KLHDC10: variants seen among roughly 807,000 people sequenced by gnomAD.
KLHDC10 encodes kelch domain-containing protein 10.
In KLHDC10, 24 loss-of-function variants were observed where a neutral mutation model predicts 56.1. That is an observed-to-expected ratio of 0.43 (90% CI 0.31 to 0.60). The LOEUF is 0.60. KLHDC10 is among the 20% of genes least tolerant of loss of function. The probability of loss-of-function intolerance (pLI) is 0.11; values close to 1 mark genes in which losing one functional copy is unlikely to be tolerated. For synonymous variants in KLHDC10, 188 were observed against 207.1 expected (o/e 0.91, Z 0.79); for missense variants, 349 against 567.0 (o/e 0.62, Z 3.91).
intron 1 of KLHDC10, among the ~76,000 whole-genome samples, chr7:130,077,353 C>CA (rs35132418): frequency 0.41 from 7,374 of 17,868 alleles, 2,950 homozygotes; most frequent in Non-Finnish European, 0.47. Context: ...GACTCTGTCT[C>CA]AAAAAAAAAA....
chr7:130,079,785 CCA>C (rs1464070201), intron 1 of KLHDC10, among the ~76,000 whole-genome samples: 2 of 142,796 alleles, frequency 1.4e-5, no homozygotes, highest in African/African-American at 5.2e-5. Context: ...TCCTCCCTTC[CCA>C]CACCTCCTCC....
chr7:130,131,554 T>C lies in KLHDC10; in HGVS notation c.*808T>C, dbSNP rs1796400889. The C allele has an allele frequency of 6.6e-6, 1 of 152,218 alleles. No individual in the cohort carries two copies. 9.4% of individuals were successfully genotyped at this position (152,218 alleles called of 1,614,324 possible). On this transcript the variant is annotated 3_prime_UTR_variant, in exon 10 of 10. Transcript: ENST00000335420. ...TGGCCAAAGTTCTTCATTCTGGCAG[T>C]TTTGAAACTCTCTTATGCTTATTAA...
intron 1 of KLHDC10, among the ~76,000 whole-genome samples, chr7:130,071,955 A>G (rs1682030783): frequency 6.6e-6 from 1 of 152,134 alleles, no homozygotes; most frequent in Non-Finnish European, 1.5e-5. Context: ...GAGGTTGTTG[A>G]TGTGTGCTAG....
At position 130,122,106 on chromosome 7, in the gene KLHDC10, A is replaced by G; in HGVS notation, c.683A>G (p.Tyr228Cys). 4 of 1,614,080 alleles carry G rather than the reference A, an allele frequency of 2.5e-6. No individual in the cohort carries two copies. Among genetic ancestry groups the G allele is most frequent in the Non-Finnish European group, 3.4e-6 (4 of 1,179,952 alleles). The change falls in exon 5 of 10, where the codon TAT becomes TGT. Residue 228 changes from tyrosine to cysteine, a missense_variant. Tyr to Cys is a radical substitution (Grantham distance 194). This residue lies in a region of KLHDC10 where 245 missense variants were observed against 470.1 expected (regional missense o/e 0.52). Transcript: ENST00000335420. The stretch of plus-strand genomic sequence containing the variant: ...TATGTCTTTGGAGGTACAACCGGCT[A>G]TATTTACAGCACAGACCTGCACAAG... ...SLYVFGGTTG[Y>C]IYSTDLHKLD...
chr7:130,081,412 C>T (rs966350557), intron 1 of KLHDC10, among the ~76,000 whole-genome samples: 3 of 151,862 alleles, frequency 2.0e-5, no homozygotes, highest in Non-Finnish European at 2.9e-5. Context: ...TCTGCCTCCC[C>T]GGTTCAAGCT....
At chr7:130,124,084 G>T (rs998428280) in intron 5 of KLHDC10, among the ~76,000 whole-genome samples, 6 of 151,998 alleles carry the variant, frequency 3.9e-5, no homozygotes, top group Admixed American at 6.6e-5. Context: ...GCAAAATGAA[G>T]AAAATAAAAA....
At chr7:130,080,329 T>C (rs1383146059) in intron 1 of KLHDC10, among the ~76,000 whole-genome samples, 2 of 152,134 alleles carry the variant, frequency 1.3e-5, no homozygotes, top group African/African-American at 4.8e-5. Context: ...ATGAAGTCAT[T>C]TGGACCTCCT....
intron 1 of KLHDC10, among the ~76,000 whole-genome samples, chr7:130,096,227 G>GA (rs1178463700): frequency 6.6e-6 from 1 of 152,112 alleles, no homozygotes; most frequent in Non-Finnish European, 1.5e-5. Flanking sequence ...AAAACTTTGG[G>GA]AAAAGAGATA....
intron 8 of KLHDC10, 38 bp from the exon 9 acceptor site, chr7:130,129,399 T>C (rs1796365600): frequency 6.2e-7 from 1 of 1,610,324 alleles, no homozygotes; most frequent in Non-Finnish European, 8.5e-7. Context: ...TTTGGCTCTT[T>C]TCCTTTGTGT....
intron 2 of KLHDC10, among the ~76,000 whole-genome samples, chr7:130,097,867 T>G (rs1443462929): frequency 6.6e-6 from 1 of 152,088 alleles, no homozygotes; most frequent in Non-Finnish European, 1.5e-5. Flanking sequence ...TAATACATAC[T>G]CCATACTGAA....
intron 2 of KLHDC10, among the ~76,000 whole-genome samples, chr7:130,106,115 C>T (rs1796004663): frequency 6.6e-6 from 1 of 152,050 alleles, no homozygotes; most frequent in African/African-American, 2.4e-5. Flanking sequence ...CGTTGCACTC[C>T]AGCCTGGGCA....
At chr7:130,085,556 C>T (rs951590326) in intron 1 of KLHDC10, among the ~76,000 whole-genome samples, 12 of 151,828 alleles carry the variant, frequency 7.9e-5, no homozygotes, top group African/African-American at 2.7e-4. Flanking sequence ...TAGACTCAGC[C>T]GGGTGCAGTG....
intron 6 of KLHDC10, among the ~76,000 whole-genome samples, 172 bp from the exon 7 acceptor site, chr7:130,125,693 G>A (rs767070524): frequency 2.5e-4 from 38 of 152,212 alleles, no homozygotes; most frequent in Non-Finnish European, 2.2e-4. Context: ...GCAGGCTGCT[G>A]CTGTTAAAAG....
chr7:130,120,926 G>A lies in KLHDC10; in HGVS notation c.630+23G>A. The A allele has an allele frequency of 6.2e-7, 1 of 1,608,586 alleles. No homozygotes were observed. Among genetic ancestry groups the A allele is most frequent in the Non-Finnish European group, 8.5e-7 (1 of 1,177,066 alleles). On this transcript the variant is annotated intron_variant, in intron 4 of 9. Transcript: ENST00000335420. This position sits in a 1 kb window ranked among gnomAD's most constrained non-coding sequence, Gnocchi z 5.1. ...CAGGTACCAATCTGTGGCCAGTCAT[G>A]GTGTATTTGTTCATATTTTTCTAGT...
chr7:130,074,949 G>A (rs905721759), intron 1 of KLHDC10, among the ~76,000 whole-genome samples: 3 of 152,072 alleles, frequency 2.0e-5, no homozygotes, highest in Non-Finnish European at 4.4e-5. Context: ...ATTAGACTCT[G>A]CATCCATTGC....
chr7:130,122,215 G>T lies in KLHDC10; in HGVS notation c.779+13G>T. ...TACCAGAAGAGAGGTGAGGTTCTAG[G>T]ATTCAAGCATATTTATTCTTTCGTG... On this transcript the variant is annotated intron_variant, in intron 5 of 9. Transcript: ENST00000335420. 5 of 1,611,464 alleles carry T rather than the reference G, an allele frequency of 3.1e-6. 1 individual carries two copies. The South Asian group carries it at 5.5e-5, about 18-fold the overall frequency.
chr7:130,099,296 C>T (rs192757240), intron 2 of KLHDC10, among the ~76,000 whole-genome samples: 1 of 151,528 alleles, frequency 6.6e-6, no homozygotes, highest in Admixed American at 6.6e-5. Flanking sequence ...TTTGTTCGTT[C>T]GTTCATTCTT....
chr7:130,073,317 A>G (rs535683189), intron 1 of KLHDC10, among the ~76,000 whole-genome samples: 4 of 140,280 alleles, frequency 2.9e-5, no homozygotes, highest in African/African-American at 1.1e-4. Context: ...TTTTTTTGAG[A>G]CAGAGCCTCA....
At chr7:130,118,289 A>C (rs2116905196) in intron 3 of KLHDC10, among the ~76,000 whole-genome samples, 1 of 152,352 alleles carries the variant, frequency 6.6e-6, no homozygotes, top group South Asian at 2.1e-4. Context: ...TTCACTTTGT[A>C]CTTTTATGTT....
Sources: gnomAD v4.1 joint callset for allele counts (sites outside exome capture counted in the v4.1 genomes callset) on GRCh38, gnomAD v4.1.1 for gene constraint, gnomAD v4.1.1 regional missense constraint, Gnocchi (gnomAD v3.1) non-coding constraint, MANE v1.5 for transcripts, NCBI Gene and HGNC (gene_info 2026-07-23, HGNC 2026-07-21) for gene names.